OPCML: variants seen among roughly 807,000 people sequenced by gnomAD.
OPCML encodes the protein opioid-binding protein/cell adhesion molecule.
OPCML carries 13 observed loss-of-function variants against 37.8 expected under a neutral mutation model. The observed-to-expected ratio is 0.34, with a 90% CI of 0.22 to 0.55. The LOEUF is 0.55. Ranked by LOEUF, OPCML falls within the 20% of genes least tolerant of loss-of-function variation. OPCML has a pLI of 0.91. For synonymous variants in OPCML, 176 were observed against 168.8 expected (o/e 1.04, Z -0.33); for missense variants, 341 against 435.6 (o/e 0.78, Z 1.93).
At chr11:132,481,219 T>G (rs577746690) in intron 4 of OPCML, among the ~76,000 whole-genome samples, 2 of 152,182 alleles carry the variant, frequency 1.3e-5, no homozygotes, top group Admixed American at 1.3e-4. Flanking sequence ...AATAAAGGGA[T>G]GGAGGAAGAT....
intron 1 of OPCML, among the ~76,000 whole-genome samples, chr11:133,158,302 G>C (rs1035670810): frequency 2.0e-5 from 3 of 152,222 alleles, no homozygotes; most frequent in Admixed American, 2.0e-4. Flanking sequence ...GAGAGGCTTA[G>C]TTGAGAAACC....
At chr11:133,079,820 C>T (rs565835772) in intron 1 of OPCML, among the ~76,000 whole-genome samples, 12 of 152,276 alleles carry the variant, frequency 7.9e-5, no homozygotes, top group Non-Finnish European at 1.3e-4. Context: ...ATCCCCCAAC[C>T]TTCTCCATCC....
chr11:132,482,204 T>A (rs2096183068), intron 4 of OPCML, among the ~76,000 whole-genome samples: 2 of 150,396 alleles, frequency 1.3e-5, no homozygotes, highest in East Asian at 2.0e-4. Flanking sequence ...GAGAGAAGAA[T>A]CAAATAGACG....
At position 132,524,068 on chromosome 11, in the gene OPCML, G is replaced by T. The variant is rs186919259; in HGVS notation, c.505+4993C>A. On this transcript the variant is annotated intron_variant, in intron 4 of 7. Transcript: ENST00000524381. ...AATGGAGCCAGGTGTGTGAGGCATC[G>T]CAGTGGACGACTATGGCATTGCAAG... 9.6e-4 allele frequency among the ~76,000 whole-genome samples: 146 copies of T among 152,278 alleles called. 2 individuals carry two copies. The highest frequency in any genetic ancestry group is 8.9e-3 in the Admixed American group (136 of 15,296).
intron 2 of OPCML, among the ~76,000 whole-genome samples, chr11:132,781,093 CAAG>C (rs1946993518): frequency 6.6e-6 from 1 of 152,014 alleles, no homozygotes; most frequent in Non-Finnish European, 1.5e-5. Flanking sequence ...AAATAGGGCC[CAAG>C]AAGGACTGGG....
At chr11:133,523,435 C>T (rs1050165718) in intron 1 of OPCML, among the ~76,000 whole-genome samples, 1 of 152,148 alleles carries the variant, frequency 6.6e-6, no homozygotes, top group Non-Finnish European at 1.5e-5. Flanking sequence ...CAAGTGCATT[C>T]GTGTCTCCAT....
intron 1 of OPCML, chr11:133,422,855 T>C (rs1420394511): frequency 1.1e-6 from 1 of 935,048 alleles, no homozygotes; most frequent in Non-Finnish European, 1.3e-6. Context: ...AAAATCCTGA[T>C]TCTACACATA....
chr11:132,898,378 G>A (rs138867538), intron 2 of OPCML, among the ~76,000 whole-genome samples: 45 of 152,160 alleles, frequency 3.0e-4, no homozygotes, highest in African/African-American at 9.2e-4. Flanking sequence ...CCTTATCCAC[G>A]CTCATGGTAT....
chr11:133,485,009 A>G (rs1308291967), intron 1 of OPCML, among the ~76,000 whole-genome samples: 1 of 152,162 alleles, frequency 6.6e-6, no homozygotes, highest in Non-Finnish European at 1.5e-5. Flanking sequence ...TGAAGCACAG[A>G]AAGCAATTCC....
At chr11:132,597,144 T>G (rs956171167) in intron 3 of OPCML, among the ~76,000 whole-genome samples, 10 of 152,210 alleles carry the variant, frequency 6.6e-5, no homozygotes, top group African/African-American at 2.2e-4. Flanking sequence ...AGAACCAACA[T>G]GCCACTTTGT....
intron 1 of OPCML, among the ~76,000 whole-genome samples, chr11:133,069,236 T>G (rs117654306): frequency 6.6e-6 from 1 of 152,342 alleles, no homozygotes; most frequent in Admixed American, 6.5e-5. Context: ...GAACTATTTA[T>G]AAGTGAAAAT....
intron 1 of OPCML, among the ~76,000 whole-genome samples, chr11:133,240,703 C>G (rs899470853): frequency 6.6e-6 from 1 of 152,182 alleles, no homozygotes; most frequent in African/African-American, 2.4e-5. Flanking sequence ...TAAACCCTGC[C>G]TATATTTTCA....
chr11:132,950,932 C>T (rs116608613), intron 1 of OPCML, among the ~76,000 whole-genome samples: 2,589 of 152,290 alleles, frequency 0.017, 79 homozygotes, highest in African/African-American at 0.059. Flanking sequence ...CACTGACCCT[C>T]AATGTGAGTC....
chr11:132,445,919 A>G (rs2096053582), intron 4 of OPCML, among the ~76,000 whole-genome samples: 1 of 152,110 alleles, frequency 6.6e-6, no homozygotes. Flanking sequence ...TCATGATGTC[A>G]ACAGCAGCAG....
At chr11:132,524,069 C>T (rs1372397415) in intron 4 of OPCML, among the ~76,000 whole-genome samples, 1 of 152,168 alleles carries the variant, frequency 6.6e-6, no homozygotes, top group East Asian at 1.9e-4. Context: ...TGAGGCATCG[C>T]AGTGGACGAC....
At chr11:133,048,582 A>T (rs1011802981) in intron 1 of OPCML, among the ~76,000 whole-genome samples, 1 of 152,202 alleles carries the variant, frequency 6.6e-6, no homozygotes, top group Non-Finnish European at 1.5e-5. Flanking sequence ...AAGAGATGAA[A>T]GTCTCTCTTT....
rs1045030060 is a variant in OPCML at position 133,046,812 on chromosome 11, G to C, written c.62-103802C>G. On this transcript the variant is annotated intron_variant, in intron 1 of 7. Coordinates refer to ENST00000524381, the MANE Select transcript of OPCML (RefSeq NM_001012393.5). Reference sequence around the variant, plus strand: ...TACTTAACAGCAGTCTCCTCTTGGAGATGTAAATATTCATAAACATATCAA... The same window carrying C: ...TACTTAACAGCAGTCTCCTCTTGGACATGTAAATATTCATAAACATATCAA... Among the ~76,000 whole-genome samples the C allele has an allele frequency of 1.6e-4, 24 of 152,166 alleles. 1 individual carries two copies. The highest frequency in any genetic ancestry group is 1.6e-3 in the Admixed American group (24 of 15,280).
chr11:133,515,841 A>G (rs1948258931), intron 1 of OPCML, among the ~76,000 whole-genome samples: 1 of 140,840 alleles, frequency 7.1e-6, no homozygotes, highest in Admixed American at 6.7e-5. Context: ...TGCCAAGAAG[A>G]GGAAAAAAAA....
intron 4 of OPCML, among the ~76,000 whole-genome samples, chr11:132,488,036 C>T (rs2096205327): frequency 1.3e-5 from 2 of 152,210 alleles, no homozygotes. Flanking sequence ...GCAGCCACAG[C>T]TCCTGCCATG....
Sources: gnomAD v4.1 joint callset for allele counts (sites outside exome capture counted in the v4.1 genomes callset) on GRCh38, gnomAD v4.1.1 for gene constraint, MANE v1.5 for transcripts, NCBI Gene and HGNC (gene_info 2026-07-23, HGNC 2026-07-21) for gene names.